The following MMP23B variants were observed in gnomAD, a reference collection of about 807,000 sequenced individuals.
The protein encoded by MMP23B is matrix metallopeptidase 23B.
Under a neutral mutation model 17.3 loss-of-function variants are expected in MMP23B, and 8 were observed. The observed-to-expected ratio is 0.46, with a 90% confidence interval of 0.27 to 0.83. MMP23B has a LOEUF of 0.83. Among genes scored for constraint, MMP23B ranks in the 40% least tolerant of loss-of-function variants. The probability of loss-of-function intolerance (pLI) is 0.14; values close to 1 mark genes in which losing one functional copy is unlikely to be tolerated. For missense variants in MMP23B, 154 were observed against 246.2 expected (o/e 0.63, Z 2.51); for synonymous variants, 86 against 116.5 (o/e 0.74, Z 1.69).
At chr1:1,632,407 TG>T (rs1008190570) in intron 1 of MMP23B, 33 bp downstream of exon 1, 52 of 1,363,380 alleles carry the variant, frequency 3.8e-5, no homozygotes, top group South Asian at 1.1e-4. Flanking sequence ...GGTGCCGGGT[TG>T]GGGGGGTCCT....
chr1:1,632,656 G>C, intron 1 of MMP23B, 127 bp from the exon 2 acceptor site: 1 of 327,390 alleles, frequency 3.1e-6, no homozygotes, highest in Non-Finnish European at 5.4e-6. Context: ...AGGCAGACAG[G>C]ACCCGCCACG....
chr1:1,632,228 G>C lies in MMP23B; in HGVS notation c.10G>C (p.Gly4Arg). Residue 4 changes from glycine (G) to arginine (R), a missense_variant, in exon 1 of 8, where the codon GGG becomes CGG. This residue lies in a region of MMP23B where 129 missense variants were observed against 83.5 expected (regional missense o/e 1.54). Coordinates refer to ENST00000356026, the MANE Select transcript of MMP23B (RefSeq NM_006983.2). MGR[G>R]ARVPSEAPGA... Reference sequence around the variant, plus strand: ...CCACAGCAAGTCTGCCATGGGCCGCGGGGCCCGTGTCCCCTCGGAGGCCCC... The same window carrying C: ...CCACAGCAAGTCTGCCATGGGCCGCCGGGCCCGTGTCCCCTCGGAGGCCCC... 1 of 1,327,860 alleles carries C rather than the reference G, an allele frequency of 7.5e-7. No homozygotes were observed. Among genetic ancestry groups the C allele is most frequent in the Non-Finnish European group, 9.5e-7 (1 of 1,047,678 alleles). 82.3% of individuals were successfully genotyped at this position (1,327,860 alleles called of 1,614,324 possible).
At position 1,632,271 on chromosome 1, in the gene MMP23B, G is replaced by A. The variant is rs775647721; in HGVS notation, c.53G>A (p.Arg18His). 1.1e-5 allele frequency: 15 copies of A among 1,379,854 alleles called. No homozygotes were observed. In the South Asian group the frequency reaches 1.4e-4, roughly 13 times the overall value. 85.5% of individuals were successfully genotyped at this position (1,379,854 alleles called of 1,614,324 possible). Residue 18 changes from arginine to histidine, a missense_variant, in exon 1 of 8, where the codon CGC (arginine) becomes CAC (histidine). By Grantham distance (29) the Arg-to-His change is conservative. Around this residue, in one of 4 missense-constraint regions of MMP23B, gnomAD observed 129 missense variants for 83.5 expected, o/e 1.54. Coordinates refer to ENST00000356026, the MANE Select transcript of MMP23B (RefSeq NM_006983.2). ...PSEAPGAGVE[R>H]RWLGAALVAL... ...GAGGCCCCGGGGGCAGGCGTCGAGC[G>A]CCGCTGGCTTGGAGCCGCGCTGGTC...
Position 1,632,446 on chromosome 1 carries a change from G to A in MMP23B, c.156+72G>A, listed in dbSNP as rs1639031073. 6 of 1,249,230 alleles carry A rather than the reference G, an allele frequency of 4.8e-6. No homozygotes were observed. In the East Asian group the frequency reaches 7.9e-5, roughly 16 times the overall value. The allele number at this position is 1,249,230 out of a possible 1,614,324, so 77.4% of individuals were successfully genotyped here. On this transcript the variant is annotated intron_variant, in intron 1 of 7. Coordinates refer to ENST00000356026, the MANE Select transcript of MMP23B (RefSeq NM_006983.2). Reference sequence around the variant, plus strand: ...CGTCTGTGGGTCTGGTCTATCGGGGGGCCCGCAGGACGTGTGCGGGGTGTG... The same window carrying A: ...CGTCTGTGGGTCTGGTCTATCGGGGAGCCCGCAGGACGTGTGCGGGGTGTG...
At chr1:1,634,349 G>C in intron 7 of MMP23B, 21 bp downstream of exon 7, 1 of 948,736 alleles carries the variant, frequency 1.1e-6, no homozygotes, top group Non-Finnish European at 1.5e-6. Flanking sequence ...GCCCCGGGCG[G>C]TCCTCGGGGT....
In MMP23B at chr1:1,634,502, C is replaced by T; in HGVS notation, c.1050C>T (p.Ala350=). 1 of 1,156,988 alleles carries T rather than the reference C, an allele frequency of 8.6e-7. No homozygotes were observed. The highest frequency in any genetic ancestry group is 1.2e-6 in the Non-Finnish European group (1 of 809,442). The allele number at this position is 1,156,988 out of a possible 1,614,324, so 71.7% of individuals were successfully genotyped here. A position where few individuals can be genotyped will look rare whatever the true frequency, so the allele number is the denominator to read the frequency against. Residue 350 remains alanine (A), a synonymous_variant, in exon 8 of 8, where the codon GCC becomes GCT. Transcript: ENST00000356026. ...PLEFSYPGYL[A]LGEAHLSIIA... ...AGTTCTCCTACCCCGGCTACCTGGC[C>T]CTGGGCGAGGCGCACCTGAGCATCA...
intron 1 of MMP23B, 27 bp from the exon 2 acceptor site, chr1:1,632,756 C>G: frequency 4.4e-6 from 1 of 227,162 alleles, no homozygotes. Flanking sequence ...TCACCGATGC[C>G]TCCCACGCAC....
chr1:1,632,406 T>A (rs889703745), intron 1 of MMP23B, 32 bp downstream of exon 1: 14 of 1,356,804 alleles, frequency 1.0e-5, no homozygotes, highest in Admixed American at 1.0e-4. Flanking sequence ...AGGTGCCGGG[T>A]TGGGGGGGTC....
In MMP23B at chr1:1,632,847, C is replaced by T. The variant is rs1257313807; in HGVS notation, c.221C>T (p.Pro74Leu). 1.0e-5 allele frequency: 2 copies of T among 196,736 alleles called. No homozygotes were observed. The highest frequency in any genetic ancestry group is 1.8e-5 in the Non-Finnish European group (2 of 113,702). 12.2% of individuals were successfully genotyped at this position (196,736 alleles called of 1,614,324 possible). Residue 74 changes from proline (P) to leucine (L), a missense_variant, in exon 2 of 8, where the codon CCC (proline) becomes CTC (leucine). By Grantham distance (98) the Pro-to-Leu change is moderately conservative. Coordinates refer to ENST00000356026, the MANE Select transcript of MMP23B (RefSeq NM_006983.2). ...ACCCGGGTCCCGGGCCCACTGGCCCCCCGCAGACGCCGCTACACGCTGACT... is the reference window on the plus strand; with the variant it reads ...ACCCGGGTCCCGGGCCCACTGGCCCTCCGCAGACGCCGCTACACGCTGACT... ...PPTRVPGPLA[P>L]RRRRYTLTPA...
Position 1,632,257 on chromosome 1 carries a change from G to A in MMP23B, c.39G>A (p.Gly13=), listed in dbSNP as rs1166536643. The A allele has an allele frequency of 7.3e-7, 1 of 1,364,148 alleles. No homozygotes were observed. Among genetic ancestry groups the A allele is most frequent in the African/African-American group, 1.5e-5 (1 of 65,762 alleles). The allele number at this position is 1,364,148 out of a possible 1,614,324, so 84.5% of individuals were successfully genotyped here. Residue 13 remains glycine (G), a synonymous_variant, in exon 1 of 8, where the codon GGG becomes GGA. Coordinates refer to ENST00000356026, the MANE Select transcript of MMP23B (RefSeq NM_006983.2). ...CCCGTGTCCCCTCGGAGGCCCCGGG[G>A]GCAGGCGTCGAGCGCCGCTGGCTTG... is the stretch of plus-strand genomic sequence containing the variant. The part of the protein sequence containing the change: ...RGARVPSEAP[G]AGVERRWLGA...
rs1639018012 is a variant in MMP23B at position 1,632,290 on chromosome 1, G to C, written c.72G>C (p.Ala24=). The C allele has an allele frequency of 7.0e-6, 10 of 1,419,104 alleles. No individual in the cohort carries two copies. The highest frequency in any genetic ancestry group is 7.3e-6 in the Non-Finnish European group (8 of 1,091,612). 87.9% of individuals were successfully genotyped at this position (1,419,104 alleles called of 1,614,324 possible). A position where few individuals can be genotyped will look rare whatever the true frequency, so the allele number is the denominator to read the frequency against. Residue 24 remains alanine (A), a synonymous_variant, in exon 1 of 8, where the codon GCG becomes GCC. Transcript: ENST00000356026. ...TCGAGCGCCGCTGGCTTGGAGCCGC[G>C]CTGGTCGCCCTGTGCCTCCTCCCCG... The part of the protein sequence containing the change: ...AGVERRWLGA[A]LVALCLLPAL...
chr1:1,632,285 G>GCCGCGCTGGTCGCCCTGTGCCTCCTCC lies in MMP23B; in HGVS notation c.78_104dup (p.Ala27_Val35dup), dbSNP rs779466725. 109 of 1,415,728 alleles carry GCCGCGCTGGTCGCCCTGTGCCTCCTCC rather than the reference G, an allele frequency of 7.7e-5. No homozygotes were observed. The highest frequency in any genetic ancestry group is 4.1e-4 in the Admixed American group (14 of 34,124). The allele number at this position is 1,415,728 out of a possible 1,614,324, so 87.7% of individuals were successfully genotyped here. A position where few individuals can be genotyped will look rare whatever the true frequency, so the allele number is the denominator to read the frequency against. On this transcript the variant is annotated inframe_insertion, in exon 1 of 8. Coordinates refer to ENST00000356026, the MANE Select transcript of MMP23B (RefSeq NM_006983.2). The stretch of plus-strand genomic sequence containing the variant: ...AGGCGTCGAGCGCCGCTGGCTTGGA[G>GCCGCGCTGGTCGCCCTGTGCCTCCTCC]CCGCGCTGGTCGCCCTGTGCCTCCT...
intron 2 of MMP23B, 32 bp downstream of exon 2, chr1:1,632,945 C>T: frequency 3.8e-5 from 1 of 26,240 alleles, no homozygotes; most frequent in Non-Finnish European, 6.1e-5. Context: ...GGGGAGGGGG[C>T]GCGGCCGGCG....
intron 1 of MMP23B, 54 bp downstream of exon 1, chr1:1,632,428 G>C: frequency 9.0e-6 from 12 of 1,326,036 alleles, no homozygotes; most frequent in Non-Finnish European, 1.2e-5. Context: ...TCACGTCTGT[G>C]GGTCTGGTCT....
chr1:1,632,240 C>A lies in MMP23B; in HGVS notation c.22C>A (p.Pro8Thr). 2 of 1,343,206 alleles carry A rather than the reference C, an allele frequency of 1.5e-6. No homozygotes were observed. Among genetic ancestry groups the A allele is most frequent in the Non-Finnish European group, 1.9e-6 (2 of 1,055,472 alleles). 83.2% of individuals were successfully genotyped at this position (1,343,206 alleles called of 1,614,324 possible). A position where few individuals can be genotyped will look rare whatever the true frequency, so the allele number is the denominator to read the frequency against. Residue 8 changes from proline to threonine, a missense_variant, in exon 1 of 8, where the codon CCC becomes ACC. By Grantham distance (38) the Pro-to-Thr change is conservative. This residue lies in a region of MMP23B where 129 missense variants were observed against 83.5 expected (regional missense o/e 1.54). Coordinates refer to ENST00000356026, the MANE Select transcript of MMP23B (RefSeq NM_006983.2). MGRGARVPSEAPGAGVER... is the reference protein window; with the variant it reads MGRGARVTSEAPGAGVER... ...TGCCATGGGCCGCGGGGCCCGTGTC[C>A]CCTCGGAGGCCCCGGGGGCAGGCGT...
chr1:1,632,450 C>A, intron 1 of MMP23B, 76 bp downstream of exon 1: 2 of 1,224,112 alleles, frequency 1.6e-6, no homozygotes, highest in Non-Finnish European at 2.2e-6. Context: ...TCGGGGGGCC[C>A]GCAGGACGTG....
rs1056078510 is a variant in MMP23B, at chr1:1,632,245, G to C, written c.27G>C (p.Ser9=). Reference sequence around the variant, plus strand: ...TGGGCCGCGGGGCCCGTGTCCCCTCGGAGGCCCCGGGGGCAGGCGTCGAGC... The same window carrying C: ...TGGGCCGCGGGGCCCGTGTCCCCTCCGAGGCCCCGGGGGCAGGCGTCGAGC... MGRGARVP[S]EAPGAGVERR... is the part of the protein sequence containing the mutation. Residue 9 remains serine, a synonymous_variant, in exon 1 of 8, where the codon TCG becomes TCC. Coordinates refer to ENST00000356026, the MANE Select transcript of MMP23B (RefSeq NM_006983.2). 2.5e-5 allele frequency: 34 copies of C among 1,345,150 alleles called. No individual in the cohort carries two copies. Among genetic ancestry groups the C allele is most frequent in the Non-Finnish European group, 3.0e-5 (32 of 1,056,186 alleles). The allele number at this position is 1,345,150 out of a possible 1,614,324, so 83.3% of individuals were successfully genotyped here. A position where few individuals can be genotyped will look rare whatever the true frequency, so the allele number is the denominator to read the frequency against.
In MMP23B at chr1:1,632,300, C is replaced by T; in HGVS notation, c.82C>T (p.Leu28=). 4.2e-6 allele frequency: 6 copies of T among 1,431,132 alleles called. No homozygotes were observed. The highest frequency in any genetic ancestry group is 4.6e-6 in the Non-Finnish European group (5 of 1,098,468). 88.7% of individuals were successfully genotyped at this position (1,431,132 alleles called of 1,614,324 possible). The part of the protein sequence containing the change: ...RRWLGAALVA[L]CLLPALVLLA... ...CTGGCTTGGAGCCGCGCTGGTCGCC[C>T]TGTGCCTCCTCCCCGCGCTGGTGCT... Residue 28 remains leucine (L), a synonymous_variant, in exon 1 of 8, where the codon CTG becomes TTG. Transcript: ENST00000356026.
rs1198368707 is a variant in MMP23B at position 1,632,449 on chromosome 1, C to T, written c.156+75C>T. The T allele has an allele frequency of 2.0e-5, 25 of 1,226,272 alleles. No homozygotes were observed. In the East Asian group the frequency reaches 5.8e-4, roughly 28 times the overall value. 76.0% of individuals were successfully genotyped at this position (1,226,272 alleles called of 1,614,324 possible). A position where few individuals can be genotyped will look rare whatever the true frequency, so the allele number is the denominator to read the frequency against. On this transcript the variant is annotated intron_variant, in intron 1 of 7. Transcript: ENST00000356026. ...CTGTGGGTCTGGTCTATCGGGGGGC[C>T]CGCAGGACGTGTGCGGGGTGTGCGG...
Sources: allele counts gnomAD v4.1 joint callset, GRCh38; gene constraint gnomAD v4.1.1; regional missense constraint gnomAD v4.1.1; transcripts MANE v1.5; gene names NCBI Gene and HGNC (gene_info 2026-07-23, HGNC 2026-07-21).